SUSD4: variants seen among roughly 807,000 people sequenced by gnomAD.
SUSD4 encodes the protein sushi domain containing 4.
In SUSD4, 41 loss-of-function variants were observed where a neutral mutation model predicts 50.5. That is an observed-to-expected ratio of 0.81 (90% CI 0.63 to 1.05). The LOEUF is 1.05. SUSD4 is among the 50% of genes least tolerant of loss of function. The pLI is 0.00. For synonymous variants in SUSD4, 257 were observed against 257.3 expected, an observed-to-expected ratio of 1.00 and a Z score of 0.01; for missense variants, 580 against 634.7, an observed-to-expected ratio of 0.91 and a Z score of 0.93.
chr1:223,262,943 C>A (rs1360022361), intron 5 of SUSD4, among the ~76,000 whole-genome samples: 1 of 152,192 alleles, frequency 6.6e-6, no homozygotes, highest in African/African-American at 2.4e-5. Flanking sequence ...CAACCCAAAG[C>A]CACTCTCGGC....
At chr1:223,334,983 A>G (rs1667378996) in intron 2 of SUSD4, among the ~76,000 whole-genome samples, 1 of 152,162 alleles carries the variant, frequency 6.6e-6, no homozygotes, top group African/African-American at 2.4e-5. Context: ...TTGGTTTTCC[A>G]TTCCTGAGTT....
At chr1:223,256,203 G>A (rs1274618169) in intron 5 of SUSD4, among the ~76,000 whole-genome samples, 1 of 152,152 alleles carries the variant, frequency 6.6e-6, no homozygotes, top group Non-Finnish European at 1.5e-5. Flanking sequence ...AACACTAATG[G>A]TAAAGAAGTC....
chr1:223,257,212 G>A (rs1470922272), intron 5 of SUSD4, among the ~76,000 whole-genome samples: 3 of 152,132 alleles, frequency 2.0e-5, no homozygotes, highest in African/African-American at 7.2e-5. Flanking sequence ...GTTCAAGAAT[G>A]TAGATGACGG....
intron 5 of SUSD4, among the ~76,000 whole-genome samples, chr1:223,242,308 G>T (rs1175368109): frequency 6.6e-6 from 1 of 152,146 alleles, no homozygotes; most frequent in Non-Finnish European, 1.5e-5. Context: ...AAGCATAAGG[G>T]TTTTTGCCTG....
intron 2 of SUSD4, among the ~76,000 whole-genome samples, chr1:223,294,275 T>C (rs902620262): frequency 6.6e-6 from 1 of 152,152 alleles, no homozygotes; most frequent in African/African-American, 2.4e-5. Flanking sequence ...CATCAAGATA[T>C]GATGGGGAAG....
At chr1:223,364,631 G>A (rs1356814285), upstream of SUSD4, among the ~76,000 whole-genome samples, 1 of 150,964 alleles carries the variant, frequency 6.6e-6, no homozygotes, top group East Asian at 2.0e-4. This position sits in a 1 kb window ranked among gnomAD's most constrained non-coding sequence, Gnocchi z 4.5. Context: ...GCCAGCTCAG[G>A]TGCCCGCCCC....
intron 2 of SUSD4, among the ~76,000 whole-genome samples, chr1:223,304,645 C>T (rs61838200): frequency 0.32 from 48,746 of 150,002 alleles, 9,318 homozygotes; most frequent in Non-Finnish European, 0.44. Flanking sequence ...TGTCATGATA[C>T]TCAAAAACAT....
At chr1:223,334,981 C>CAA (rs1290754181) in intron 2 of SUSD4, among the ~76,000 whole-genome samples, 1 of 152,168 alleles carries the variant, frequency 6.6e-6, no homozygotes, top group Non-Finnish European at 1.5e-5. Context: ...ATTTGGTTTT[C>CAA]CATTCCTGAG....
intron 2 of SUSD4, among the ~76,000 whole-genome samples, chr1:223,309,298 C>T (rs984603363): frequency 6.6e-6 from 1 of 152,176 alleles, no homozygotes; most frequent in East Asian, 1.9e-4. Context: ...TGAATGGCTG[C>T]AGATAAAAGG....
chr1:223,331,053 G>A (rs976385777), intron 2 of SUSD4, among the ~76,000 whole-genome samples: 6 of 152,146 alleles, frequency 3.9e-5, no homozygotes, highest in Non-Finnish European at 8.8e-5. Context: ...AGGTGCACCA[G>A]CTGTCTCATG....
intron 5 of SUSD4, 184 bp downstream of exon 5, chr1:223,264,446 G>A (rs1662337149): frequency 7.4e-7 from 1 of 1,344,868 alleles, no homozygotes; most frequent in Admixed American, 3.3e-5. Context: ...AGGGAAGCAA[G>A]TTTTACATCT....
intron 3 of SUSD4, among the ~76,000 whole-genome samples, chr1:223,285,301 A>G (rs1377734495): frequency 6.6e-6 from 1 of 152,182 alleles, no homozygotes; most frequent in Non-Finnish European, 1.5e-5. Flanking sequence ...CTTTGCCTTC[A>G]GTGACTGGGG....
At chr1:223,300,281 G>A (rs1368219149) in intron 2 of SUSD4, among the ~76,000 whole-genome samples, 1 of 152,168 alleles carries the variant, frequency 6.6e-6, no homozygotes, top group Non-Finnish European at 1.5e-5. Flanking sequence ...TTTGGACTCT[G>A]GTTCTCAATG....
intron 2 of SUSD4, among the ~76,000 whole-genome samples, chr1:223,335,523 G>A (rs1354274951): frequency 6.6e-6 from 1 of 152,012 alleles, no homozygotes; most frequent in African/African-American, 2.4e-5. Context: ...ATGAACACAG[G>A]GCTTCTCTTC....
chr1:223,303,777 G>A (rs930033627), intron 2 of SUSD4, among the ~76,000 whole-genome samples: 4 of 152,092 alleles, frequency 2.6e-5, no homozygotes, highest in Non-Finnish European at 5.9e-5. Context: ...TTGATTATGA[G>A]GTGAGATGGT....
chr1:223,358,987 C>T (rs1668818935), intron 2 of SUSD4: 1 of 451,142 alleles, frequency 2.2e-6, no homozygotes, highest in Admixed American at 2.4e-5. Context: ...CTGTTTCCAC[C>T]TGCTGGCACA....
intron 3 of SUSD4, among the ~76,000 whole-genome samples, chr1:223,284,089 G>C (rs1469225653): frequency 1.9e-4 from 9 of 47,040 alleles, no homozygotes; most frequent in African/African-American, 1.2e-3. Context: ...TGTGGGATAG[G>C]GGGAGGGGGG....
chr1:223,333,849 G>C (rs1243728704), intron 2 of SUSD4, among the ~76,000 whole-genome samples: 2 of 152,162 alleles, frequency 1.3e-5, no homozygotes, highest in African/African-American at 4.8e-5. Flanking sequence ...GAGAGGACAG[G>C]TTCACTCTGT....
intron 2 of SUSD4, among the ~76,000 whole-genome samples, chr1:223,348,139 C>T (rs1034641476): frequency 3.9e-5 from 6 of 152,014 alleles, no homozygotes; most frequent in Non-Finnish European, 2.9e-5. Flanking sequence ...GCAACTAAAC[C>T]ATCCGTTTAG....
Sources: gnomAD v4.1 joint callset for allele counts (sites outside exome capture counted in the v4.1 genomes callset) on GRCh38, gnomAD v4.1.1 for gene constraint, Gnocchi (gnomAD v3.1) non-coding constraint, MANE v1.5 for transcripts, NCBI Gene and HGNC (gene_info 2026-07-23, HGNC 2026-07-21) for gene names.